The following MTUS2 variants were observed in gnomAD, a reference collection of about 807,000 sequenced individuals.
MTUS2 encodes microtubule-associated tumor suppressor candidate 2.
MTUS2 carries 40 observed loss-of-function variants against 114.1 expected under a neutral mutation model. That is an observed-to-expected ratio of 0.35 (90% CI 0.27 to 0.46). The LOEUF is 0.46. Among genes scored for constraint, MTUS2 ranks in the 20% least tolerant of loss-of-function variants. The pLI, the probability that MTUS2 is intolerant of heterozygous loss-of-function variation, is 1.00. For missense variants in MTUS2, 1,679 were observed against 1,705.4 expected (o/e 0.98, Z 0.27); for synonymous variants, 688 against 672.0 (o/e 1.02, Z -0.37).
chr13:29,201,765 C>T (rs1894968327), intron 5 of MTUS2, among the ~76,000 whole-genome samples: 1 of 152,128 alleles, frequency 6.6e-6, no homozygotes, highest in African/African-American at 2.4e-5. Flanking sequence ...ACTTTTGAAG[C>T]TTAGTTCGGC....
intron 8 of MTUS2, among the ~76,000 whole-genome samples, chr13:29,393,034 A>T (rs548916496): frequency 1.3e-5 from 2 of 152,248 alleles, no homozygotes; most frequent in African/African-American, 4.8e-5. Context: ...AAAGAAATCC[A>T]TACATGAGAC....
At chr13:28,837,322 G>C (rs1361530271) in intron 1 of MTUS2, among the ~76,000 whole-genome samples, 1 of 152,200 alleles carries the variant, frequency 6.6e-6, no homozygotes, top group African/African-American at 2.4e-5. Flanking sequence ...AATGTGCAGA[G>C]TTCACGTCCT....
chr13:29,341,380 T>A (rs1901388446), intron 7 of MTUS2, among the ~76,000 whole-genome samples: 2 of 152,228 alleles, frequency 1.3e-5, no homozygotes, highest in Non-Finnish European at 2.9e-5. Flanking sequence ...ATTGTGGCTT[T>A]GATTTGCATC....
chr13:28,847,761 A>G (rs753888817), intron 2 of MTUS2, among the ~76,000 whole-genome samples: 19 of 152,172 alleles, frequency 1.2e-4, no homozygotes, highest in Non-Finnish European at 2.5e-4. Context: ...GCACTGTCCA[A>G]GGAAACCATG....
chr13:29,117,706 T>A (rs1430719804), intron 5 of MTUS2, among the ~76,000 whole-genome samples: 1 of 152,206 alleles, frequency 6.6e-6, no homozygotes, highest in Non-Finnish European at 1.5e-5. Context: ...GCACCATTTA[T>A]TAGAAACTCT....
chr13:28,831,168 G>A (rs910296483), intron 1 of MTUS2, among the ~76,000 whole-genome samples: 3 of 147,196 alleles, frequency 2.0e-5, no homozygotes, highest in African/African-American at 5.0e-5. Context: ...AAAAGAAACG[G>A]AATGAAAATG....
rs537215147 is a variant in MTUS2, at chr13:29,371,520, T to C, written c.3117+12047T>C. On this transcript the variant is annotated intron_variant, in intron 8 of 15. Transcript: ENST00000612955. ...GGCGTGAGCCACTGTGCCCGGCCTC[T>C]TCACATTAACCTTTTGATGAAGGTA... Among the ~76,000 whole-genome samples the C allele has an allele frequency of 2.6e-5, 4 of 152,290 alleles. No homozygotes were observed. In the South Asian group the frequency reaches 8.3e-4, roughly 32 times the overall value.
At chr13:29,495,012 C>G in intron 12 of MTUS2, among the ~76,000 whole-genome samples, 1 of 151,800 alleles carries the variant, frequency 6.6e-6, no homozygotes, top group East Asian at 1.9e-4. Context: ...TGGTAAAACC[C>G]TGTCTCTACC....
intron 2 of MTUS2, among the ~76,000 whole-genome samples, chr13:28,911,709 A>G (rs1281137332): frequency 1.3e-5 from 2 of 152,092 alleles, no homozygotes; most frequent in Non-Finnish European, 2.9e-5. Context: ...GACTGGTATG[A>G]GATAGTATCT....
At chr13:29,373,980 T>C (rs1054100281) in intron 8 of MTUS2, among the ~76,000 whole-genome samples, 1 of 152,182 alleles carries the variant, frequency 6.6e-6, no homozygotes, top group Non-Finnish European at 1.5e-5. Flanking sequence ...GTACAAGCAG[T>C]TACCCTTGAA....
intron 2 of MTUS2, among the ~76,000 whole-genome samples, chr13:28,979,808 TG>T (rs1884276608): frequency 6.6e-6 from 1 of 152,162 alleles, no homozygotes; most frequent in South Asian, 2.1e-4. Flanking sequence ...TAGCATTAAA[TG>T]TTAAATGCTA....
At chr13:29,179,280 G>A (rs1450239812) in intron 5 of MTUS2, among the ~76,000 whole-genome samples, 8 of 152,202 alleles carry the variant, frequency 5.3e-5, no homozygotes, top group South Asian at 4.1e-4. Flanking sequence ...ATATCTCTGC[G>A]TTAACCATAT....
intron 5 of MTUS2, among the ~76,000 whole-genome samples, chr13:29,271,242 C>G (rs1262996695): frequency 6.6e-6 from 1 of 152,182 alleles, no homozygotes; most frequent in Non-Finnish European, 1.5e-5. Context: ...CTAACTTGTA[C>G]TTTCTGTCCC....
At chr13:29,475,497 A>G (rs112983515) in intron 9 of MTUS2, among the ~76,000 whole-genome samples, 61 of 152,306 alleles carry the variant, frequency 4.0e-4, no homozygotes, top group African/African-American at 1.5e-3. Flanking sequence ...TTGTTTTCCT[A>G]GGAGATGACA....
intron 5 of MTUS2, among the ~76,000 whole-genome samples, chr13:29,246,988 G>A (rs1896949688): frequency 1.3e-5 from 2 of 151,516 alleles, no homozygotes; most frequent in African/African-American, 4.8e-5. Context: ...CAAATCTGGA[G>A]GCATCACAGT....
At chr13:29,196,098 ATTT>A (rs10708933) in intron 5 of MTUS2, among the ~76,000 whole-genome samples, 2 of 143,864 alleles carry the variant, frequency 1.4e-5, no homozygotes. Context: ...ACTACTGCAG[ATTT>A]TTTTTTTTTT....
intron 6 of MTUS2, among the ~76,000 whole-genome samples, chr13:29,318,105 G>A (rs1306488758): frequency 6.6e-6 from 1 of 152,176 alleles, no homozygotes; most frequent in Admixed American, 6.5e-5. Flanking sequence ...CAAGTGGAGG[G>A]AAAACTTCAG....
intron 7 of MTUS2, among the ~76,000 whole-genome samples, chr13:29,340,223 C>T (rs1319579531): frequency 3.9e-5 from 6 of 152,206 alleles, no homozygotes; most frequent in Admixed American, 3.3e-4. Context: ...TCCCTCCTTC[C>T]CACTGATGGT....
intron 5 of MTUS2, among the ~76,000 whole-genome samples, chr13:29,265,010 G>C (rs1027660681): frequency 2.6e-5 from 4 of 152,174 alleles, no homozygotes; most frequent in African/African-American, 4.8e-5. Context: ...ACATGACCAG[G>C]CTGCAAATTT....
Sources: allele counts gnomAD v4.1 joint callset (sites outside exome capture counted in the v4.1 genomes callset), GRCh38; gene constraint gnomAD v4.1.1; transcripts MANE v1.5; gene names NCBI Gene and HGNC (gene_info 2026-07-23, HGNC 2026-07-21).